RYK: variants seen among roughly 807,000 people sequenced by gnomAD.
RYK encodes the protein inactive tyrosine-protein kinase RYK.
Under a neutral mutation model 70.2 loss-of-function variants are expected in RYK, and 21 were observed. The observed-to-expected ratio is 0.30, with a 90% CI of 0.21 to 0.43. The LOEUF (loss-of-function observed/expected upper bound fraction) is 0.43, where lower values mean the gene tolerates loss of function less well. RYK is among the 20% of genes least tolerant of loss of function. RYK has a pLI of 1.00. For missense variants in RYK, 604 were observed against 753.3 expected, an observed-to-expected ratio of 0.80 and a Z score of 2.32; for synonymous variants, 267 against 278.0, an observed-to-expected ratio of 0.96 and a Z score of 0.39.
At chr3:134,180,276 G>C (rs1382721695) in intron 10 of RYK, 1 of 151,988 alleles carries the variant, frequency 6.6e-6, no homozygotes, top group Non-Finnish European at 1.5e-5. Context: ...AATTAAAATA[G>C]GTTAATATCT....
At chr3:134,219,775 G>A (rs1047732725) in intron 2 of RYK, among the ~76,000 whole-genome samples, 2 of 152,136 alleles carry the variant, frequency 1.3e-5, no homozygotes, top group South Asian at 4.1e-4. Flanking sequence ...CTTATTGAAT[G>A]GTTATCCAGT....
chr3:134,212,656 A>C (rs2014436275), intron 2 of RYK, among the ~76,000 whole-genome samples: 1 of 152,210 alleles, frequency 6.6e-6, no homozygotes, highest in Non-Finnish European at 1.5e-5. Context: ...TTTTTAGATG[A>C]GATATTCAAA....
intron 1 of RYK, among the ~76,000 whole-genome samples, chr3:134,231,747 T>C (rs1304486344): frequency 2.0e-5 from 3 of 152,210 alleles, no homozygotes; most frequent in Non-Finnish European, 1.5e-5. Context: ...TGGATCGCCA[T>C]GGCCACTTCA....
chr3:134,214,536 T>C (rs113807158), intron 2 of RYK, among the ~76,000 whole-genome samples: 2 of 152,322 alleles, frequency 1.3e-5, no homozygotes, highest in African/African-American at 4.8e-5. Flanking sequence ...CTTCAGCTGG[T>C]TGACTCCTTC....
At chr3:134,220,033 T>G (rs2014690330) in intron 2 of RYK, among the ~76,000 whole-genome samples, 1 of 152,172 alleles carries the variant, frequency 6.6e-6, no homozygotes, top group Non-Finnish European at 1.5e-5. Context: ...CCACCAGTCA[T>G]GGGACAAATT....
rs1189465069 is a variant in RYK at position 134,175,916 on chromosome 3, C to G, written c.1415+14G>C. 2 of 1,586,826 alleles carry G rather than the reference C, an allele frequency of 1.3e-6. No individual in the cohort carries two copies. Among genetic ancestry groups the G allele is most frequent in the African/African-American group, 1.3e-5 (1 of 74,492 alleles). On this transcript the variant is annotated intron_variant, in intron 12 of 14. Coordinates refer to ENST00000623711, the MANE Select transcript of RYK (RefSeq NM_002958.4). Reference sequence around the variant, plus strand: ...CTCTACATCAAGTGACAGCGTCAAGCTCATGGCACCTACACACAGTTCCTG... The same window carrying G: ...CTCTACATCAAGTGACAGCGTCAAGGTCATGGCACCTACACACAGTTCCTG...
At chr3:134,186,099 T>A (rs2013449874) in intron 9 of RYK, among the ~76,000 whole-genome samples, 1 of 152,186 alleles carries the variant, frequency 6.6e-6, no homozygotes, top group African/African-American at 2.4e-5. Flanking sequence ...AACAAACACT[T>A]GCTTATTTAC....
chr3:134,171,992 A>G (rs1410945011), intron 13 of RYK, among the ~76,000 whole-genome samples: 1 of 152,216 alleles, frequency 6.6e-6, no homozygotes, highest in Non-Finnish European at 1.5e-5. Flanking sequence ...TAATAAAAAG[A>G]TTTCCAACCT....
rs111373862 is a variant in RYK, at chr3:134,165,571, C to T, written c.1576-6198G>A. On this transcript the variant is annotated intron_variant, in intron 13 of 14. Transcript: ENST00000623711. The stretch of plus-strand genomic sequence containing the variant: ...TAGATGCCTCTTTAGGTCTGGTGTG[C>T]CCCAAGTGCCAAAAAAGGACCTCAG... Among the ~76,000 whole-genome samples the T allele has an allele frequency of 1.2e-4, 19 of 152,270 alleles. 1 individual carries two copies. The highest frequency in any genetic ancestry group is 4.3e-4 in the African/African-American group (18 of 41,568).
chr3:134,209,793 T>G lies in RYK; in HGVS notation c.491A>C (p.Asp164Ala). 1 of 1,516,500 alleles carries G rather than the reference T, an allele frequency of 6.6e-7. No individual in the cohort carries two copies. Among genetic ancestry groups the G allele is most frequent in the South Asian group, 1.3e-5 (1 of 74,090 alleles). The allele number at this position is 1,516,500 out of a possible 1,614,324, so 93.9% of individuals were successfully genotyped here. A position where few individuals can be genotyped will look rare whatever the true frequency, so the allele number is the denominator to read the frequency against. Reference sequence around the variant, plus strand: ...CTGCATTAGTATCATAACTTCAGAATCTACTTTGCCAGTACAGGAAAGCTC... The same window carrying G: ...CTGCATTAGTATCATAACTTCAGAAGCTACTTTGCCAGTACAGGAAAGCTC... ...RVELSCTGKV[D>A]SEVMILMQLN... The change falls in exon 4 of 15, where the codon GAT (aspartate) becomes GCT (alanine). Residue 164 changes from aspartate to alanine, a missense_variant. By Grantham distance (126) the Asp-to-Ala change is moderately radical. Transcript: ENST00000623711.
intron 6 of RYK, among the ~76,000 whole-genome samples, chr3:134,195,902 C>A (rs191518694): frequency 2.0e-5 from 3 of 151,724 alleles, no homozygotes; most frequent in Non-Finnish European, 4.4e-5. Flanking sequence ...GTCAAGATTA[C>A]GCCACTGCAC....
At chr3:134,160,013 G>C (rs893686233) in intron 13 of RYK, among the ~76,000 whole-genome samples, 3 of 152,066 alleles carry the variant, frequency 2.0e-5, no homozygotes, top group South Asian at 4.1e-4. Context: ...AGCGTGCAGG[G>C]GGCGGGGGGC....
chr3:134,231,672 A>G (rs149100371), intron 1 of RYK, among the ~76,000 whole-genome samples: 48 of 152,272 alleles, frequency 3.2e-4, no homozygotes, highest in African/African-American at 1.1e-3. Context: ...CTTCGGAAGT[A>G]CAACTTTCCC....
intron 6 of RYK, among the ~76,000 whole-genome samples, chr3:134,200,991 A>G (rs2013995994): frequency 6.6e-6 from 1 of 152,252 alleles, no homozygotes; most frequent in African/African-American, 2.4e-5. Context: ...ATTCTGGCCT[A>G]TGTGGGCTCA....
chr3:134,211,950 T>C (rs2014411191), intron 2 of RYK, among the ~76,000 whole-genome samples: 1 of 152,198 alleles, frequency 6.6e-6, no homozygotes, highest in South Asian at 2.1e-4. Context: ...GATATGTAAC[T>C]GACAGACCAT....
At chr3:134,241,575 A>G (rs953230395) in intron 1 of RYK, among the ~76,000 whole-genome samples, 2 of 152,202 alleles carry the variant, frequency 1.3e-5, no homozygotes, top group African/African-American at 2.4e-5. Context: ...TTAATTAAAC[A>G]TGGCATTCAA....
intron 1 of RYK, among the ~76,000 whole-genome samples, chr3:134,223,808 T>C (rs184119302): frequency 1.4e-4 from 22 of 152,212 alleles, no homozygotes; most frequent in Non-Finnish European, 3.1e-4. Context: ...AAAATGCAAA[T>C]TTCACATTTA....
At chr3:134,183,099 G>A in intron 9 of RYK, 28 bp from the exon 10 acceptor site, 1 of 1,346,596 alleles carries the variant, frequency 7.4e-7, no homozygotes, top group South Asian at 1.3e-5. Context: ...AAAATGTCTT[G>A]AATAATAATA....
chr3:134,235,487 C>T (rs2015178404), intron 1 of RYK, among the ~76,000 whole-genome samples: 1 of 151,464 alleles, frequency 6.6e-6, no homozygotes, highest in African/African-American at 2.4e-5. Context: ...GAATTTTAAA[C>T]AAATTTACTT....
Sources: allele counts gnomAD v4.1 joint callset (sites outside exome capture counted in the v4.1 genomes callset), GRCh38; gene constraint gnomAD v4.1.1; transcripts MANE v1.5; gene names NCBI Gene and HGNC (gene_info 2026-07-23, HGNC 2026-07-21).